GRK7: variants seen among roughly 807,000 people sequenced by gnomAD.
GRK7 encodes the protein rhodopsin kinase GRK7.
Under a neutral mutation model 34.1 loss-of-function variants are expected in GRK7, and 24 were observed. The ratio of observed to expected loss-of-function variants is 0.70; its 90% confidence interval spans 0.51 to 0.99. GRK7 has a LOEUF of 0.99. Ranked by LOEUF, GRK7 falls within the 50% of genes least tolerant of loss-of-function variation. GRK7 has a pLI of 0.00. For synonymous variants in GRK7, 256 were observed against 279.4 expected (o/e 0.92, Z 0.84); for missense variants, 644 against 707.3 (o/e 0.91, Z 1.02).
upstream of GRK7, among the ~76,000 whole-genome samples, chr3:141,762,113 A>G (rs1332973240): frequency 1.3e-5 from 2 of 150,722 alleles, no homozygotes; most frequent in East Asian, 1.9e-4. Flanking sequence ...TCTTCTCTCA[A>G]CTCGTCAAAG....
At chr3:141,808,933 G>A (rs949797813) in intron 5 of GRK7, among the ~76,000 whole-genome samples, 5 of 151,960 alleles carry the variant, frequency 3.3e-5, no homozygotes, top group Non-Finnish European at 4.4e-5. Flanking sequence ...TGTGAGCCAG[G>A]CATGGTGGTT....
At chr3:141,789,663 A>AAAAAAAAAACAAAAAAC (rs796539386) in intron 4 of GRK7, among the ~76,000 whole-genome samples, 1 of 146,770 alleles carries the variant, frequency 6.8e-6, no homozygotes, top group East Asian at 2.0e-4. Context: ...GGGCAAAAAA[A>AAAAAAAAAACAAAAAAC]AAAAAAACAC....
In GRK7 at chr3:141,780,910, T is replaced by C. The variant is rs72982427; in HGVS notation, c.1050+99T>C. 0.016 allele frequency: 18,081 copies of C among 1,136,184 alleles called. 2,015 individuals carry two copies. The African/African-American group carries it at 0.24, about 15-fold the overall frequency. The allele number at this position is 1,136,184 out of a possible 1,614,324, so 70.4% of individuals were successfully genotyped here. A position where few individuals can be genotyped will look rare whatever the true frequency, so the allele number is the denominator to read the frequency against. Reference sequence around the variant, plus strand: ...AGGGCAAATAGAGCCTTGGACTTAATTCTTTTGGTTTTTTTTCCTAAAGCG... The same window carrying C: ...AGGGCAAATAGAGCCTTGGACTTAACTCTTTTGGTTTTTTTTCCTAAAGCG... On this transcript the variant is annotated intron_variant, in intron 4 of 5. Coordinates refer to ENST00000682958, the MANE Select transcript of GRK7 (RefSeq NM_139209.3).
At position 141,807,825 on chromosome 3, in the gene GRK7, G is replaced by T; in HGVS notation, c.1231G>T (p.Glu411Ter). ...TCTGAAGCAAAGAACTCTGCAAGAC[G>T]AGGTCAAATTCCAGCATGATAACTT... ...EDLKQRTLQD[E>*]VKFQHDNFTE... The change falls in exon 5 of 6, where the codon GAG becomes TAG. Residue 411 changes from glutamate (E) to a stop codon, truncating the protein, a stop_gained. Coordinates refer to ENST00000682958, the MANE Select transcript of GRK7 (RefSeq NM_139209.3). LOFTEE classifies it high-confidence loss of function. The T allele has an allele frequency of 6.2e-7, 1 of 1,613,986 alleles. No homozygotes were observed. Among genetic ancestry groups the T allele is most frequent in the Non-Finnish European group, 8.5e-7 (1 of 1,179,886 alleles).
chr3:141,760,558 G>T (rs1203180294), upstream of GRK7, among the ~76,000 whole-genome samples: 1 of 143,818 alleles, frequency 7.0e-6, no homozygotes, highest in Non-Finnish European at 1.5e-5. Context: ...TTTGGAATAG[G>T]TGTGGTGTGG....
At chr3:141,814,651 T>C (rs1711130575) in intron 5 of GRK7, among the ~76,000 whole-genome samples, 1 of 152,194 alleles carries the variant, frequency 6.6e-6, no homozygotes, top group Non-Finnish European at 1.5e-5. Flanking sequence ...GTTGATTCCG[T>C]GTCTTTGCTA....
intron 5 of GRK7, among the ~76,000 whole-genome samples, chr3:141,814,920 G>GTTTTTT (rs33965909): frequency 6.6e-5 from 8 of 120,384 alleles, no homozygotes; most frequent in Non-Finnish European, 1.0e-4. Flanking sequence ...TTGTTGGTTG[G>GTTTTTT]TTTTTTTTTT....
chr3:141,763,019 C>A, upstream of GRK7, among the ~76,000 whole-genome samples: 1 of 152,256 alleles, frequency 6.6e-6, no homozygotes, highest in Non-Finnish European at 1.5e-5. Flanking sequence ...GGCCTGCGCC[C>A]ACTGTCTGGC....
intron 4 of GRK7, among the ~76,000 whole-genome samples, chr3:141,800,999 G>A (rs2107889828): frequency 6.6e-6 from 1 of 152,238 alleles, no homozygotes; most frequent in African/African-American, 2.4e-5. Context: ...AAGCCTCTAT[G>A]TCTAGCCATC....
Position 141,763,789 on chromosome 3 carries a change from C to T in GRK7, c.-2164C>T, listed in dbSNP as rs2084567815. Among the ~76,000 whole-genome samples, 1 of 152,160 alleles carries T rather than the reference C, an allele frequency of 6.6e-6. No homozygotes were observed. Among genetic ancestry groups the T allele is most frequent in the African/African-American group, 2.4e-5 (1 of 41,432 alleles). On this transcript the variant is annotated 5_prime_UTR_variant, in exon 1 of 6. Coordinates refer to ENST00000682958, the MANE Select transcript of GRK7 (RefSeq NM_139209.3). Reference sequence around the variant, plus strand: ...ACATTCCCTTTTATTCCTGCAACTCCCACCCCTTCCTGACTTCTGAAACTT... The same window carrying T: ...ACATTCCCTTTTATTCCTGCAACTCTCACCCCTTCCTGACTTCTGAAACTT...
chr3:141,798,475 A>G (rs1398138603), intron 4 of GRK7, among the ~76,000 whole-genome samples: 6 of 152,228 alleles, frequency 3.9e-5, no homozygotes, highest in East Asian at 1.9e-4. Context: ...ACACCCACAC[A>G]CCCCTCCACT....
intron 5 of GRK7, among the ~76,000 whole-genome samples, chr3:141,809,108 A>G (rs1202891968): frequency 6.6e-6 from 1 of 152,036 alleles, no homozygotes; most frequent in Non-Finnish European, 1.5e-5. Context: ...AGGCTAAGGC[A>G]CAAGAATCAC....
the GRK7 span, among the ~76,000 whole-genome samples, chr3:141,753,793 G>T: frequency 1.3e-5 from 2 of 152,212 alleles, no homozygotes; most frequent in Non-Finnish European, 2.9e-5. Context: ...AGCATATGAA[G>T]ATATCATTGG....
chr3:141,808,407 C>T (rs1403811139), intron 5 of GRK7, among the ~76,000 whole-genome samples: 1 of 152,048 alleles, frequency 6.6e-6, no homozygotes, highest in Non-Finnish European at 1.5e-5. Flanking sequence ...CTAGAGTAGT[C>T]GAATTCATAG....
chr3:141,753,488 T>C, the GRK7 span, among the ~76,000 whole-genome samples: 2 of 152,286 alleles, frequency 1.3e-5, no homozygotes, highest in East Asian at 3.9e-4. Flanking sequence ...TTAGTTAGAT[T>C]CTCATAAGGA....
chr3:141,757,130 TTTTTTTTTTTTTTTTTC>T, the GRK7 span, among the ~76,000 whole-genome samples: 43 of 24,240 alleles, frequency 1.8e-3, no homozygotes, highest in African/African-American at 6.7e-3. Flanking sequence ...GATCTTCTTC[TTTTTTTTTTTTTTTTTC>T]TTTTTTTTTT....
chr3:141,795,919 G>C (rs992699176), intron 4 of GRK7, among the ~76,000 whole-genome samples: 1 of 152,152 alleles, frequency 6.6e-6, no homozygotes, highest in Admixed American at 6.5e-5. Context: ...GGAGAGGCTG[G>C]GCCAGGGGGT....
At chr3:141,813,113 TGTTTGTTC>T (rs1296762852) in intron 5 of GRK7, among the ~76,000 whole-genome samples, 1 of 152,126 alleles carries the variant, frequency 6.6e-6, no homozygotes, top group Non-Finnish European at 1.5e-5. Flanking sequence ...TTAAAAAATC[TGTTTGTTC>T]GTTTGTTTGT....
chr3:141,803,615 C>T (rs569397809), intron 4 of GRK7, among the ~76,000 whole-genome samples: 124 of 152,308 alleles, frequency 8.1e-4, no homozygotes, highest in Middle Eastern at 3.4e-3. Context: ...ATTAGACACC[C>T]TGTATAAATG....
Sources: gnomAD v4.1 joint callset for allele counts (sites outside exome capture counted in the v4.1 genomes callset) on GRCh38, gnomAD v4.1.1 for gene constraint, MANE v1.5 for transcripts, NCBI Gene and HGNC (gene_info 2026-07-23, HGNC 2026-07-21) for gene names.